The following NR2E1 variants were observed in gnomAD, a reference collection of about 807,000 sequenced individuals.
The protein encoded by NR2E1 is nuclear receptor TLX.
In NR2E1, 5 loss-of-function variants were observed where a neutral mutation model predicts 43.6. The ratio of observed to expected loss-of-function variants is 0.11; its 90% CI spans 0.06 to 0.24. The LOEUF (loss-of-function observed/expected upper bound fraction) is 0.24. Among genes scored for constraint, NR2E1 ranks in the 10% least tolerant of loss-of-function variants. The pLI, the probability that NR2E1 is intolerant of heterozygous loss-of-function variation, is 1.00. For missense variants in NR2E1, 287 were observed against 496.7 expected, an observed-to-expected ratio of 0.58 and a Z score of 4.01; for synonymous variants, 191 against 195.5, an observed-to-expected ratio of 0.98 and a Z score of 0.19.
At chr6:108,178,612 A>G (rs920476246) in intron 5 of NR2E1, among the ~76,000 whole-genome samples, 2 of 152,214 alleles carry the variant, frequency 1.3e-5, no homozygotes, top group Non-Finnish European at 2.9e-5. Flanking sequence ...TGGAACTGAG[A>G]GAAGTAGAAG....
At chr6:108,179,892 C>T (rs1172031479) in intron 5 of NR2E1, among the ~76,000 whole-genome samples, 1 of 152,286 alleles carries the variant, frequency 6.6e-6, no homozygotes, top group East Asian at 1.9e-4. Context: ...GCCCAGCCCC[C>T]TCAACCCTCC....
At chr6:108,175,647 CCCCAGG>C (rs1562403905) in intron 3 of NR2E1, among the ~76,000 whole-genome samples, 1 of 152,196 alleles carries the variant, frequency 6.6e-6, no homozygotes, top group East Asian at 1.9e-4. Flanking sequence ...GTCGAGGGCG[CCCCAGG>C]CCCAGGCAGG....
At chr6:108,168,033 C>T (rs1032667642) in intron 1 of NR2E1, 1 of 1,595,628 alleles carries the variant, frequency 6.3e-7, no homozygotes, top group East Asian at 2.3e-5. Flanking sequence ...AGAAATGTTT[C>T]GAGCTGGGGC....
chr6:108,176,463 C>T (rs1017661494), intron 3 of NR2E1, 40 bp from the exon 4 acceptor site: 3 of 1,597,596 alleles, frequency 1.9e-6, no homozygotes, highest in Non-Finnish European at 1.7e-6. Context: ...GTCTCGACGT[C>T]TCTAATCGCC....
At chr6:108,183,967 C>T (rs954150885) in intron 8 of NR2E1, among the ~76,000 whole-genome samples, 4 of 152,164 alleles carry the variant, frequency 2.6e-5, no homozygotes, top group South Asian at 2.1e-4. Flanking sequence ...TCAAGGAGGG[C>T]GGATTACCTG....
At position 108,180,461 on chromosome 6, in the gene NR2E1, C is replaced by T; in HGVS notation, c.739+42C>T. Reference sequence around the variant, plus strand: ...TTAATGACTTTGTTGTAGAAATTACCATAAAAATACATTACTGAAAAAAGA... The same window carrying T: ...TTAATGACTTTGTTGTAGAAATTACTATAAAAATACATTACTGAAAAAAGA... On this transcript the variant is annotated intron_variant, in intron 6 of 8. Transcript: ENST00000368986. The surrounding 1 kb of genome is among the most constrained non-coding windows in gnomAD (Gnocchi z 5.4). 2 of 1,267,604 alleles carry T rather than the reference C, an allele frequency of 1.6e-6. No homozygotes were observed. Among genetic ancestry groups the T allele is most frequent in the Non-Finnish European group, 2.3e-6 (2 of 863,990 alleles). The allele number at this position is 1,267,604 out of a possible 1,614,324, so 78.5% of individuals were successfully genotyped here.
At chr6:108,170,538 C>G (rs1462741055) in intron 1 of NR2E1, among the ~76,000 whole-genome samples, 1 of 150,318 alleles carries the variant, frequency 6.7e-6, no homozygotes, top group African/African-American at 2.5e-5. Flanking sequence ...AGGGAAAGTT[C>G]TCTTGAGGTG....
intron 8 of NR2E1, among the ~76,000 whole-genome samples, chr6:108,185,879 C>A (rs1774068579): frequency 6.6e-6 from 1 of 152,178 alleles, no homozygotes; most frequent in African/African-American, 2.4e-5. Flanking sequence ...TTCATCCTTT[C>A]TGAAGGTGAT....
rs1773900224 is a variant in NR2E1, at chr6:108,176,526, C to A, written c.283C>A (p.Arg95=). 2 of 1,612,890 alleles carry A rather than the reference C, an allele frequency of 1.2e-6. No individual in the cohort carries two copies. The highest frequency in any genetic ancestry group is 1.7e-6 in the Non-Finnish European group (2 of 1,179,952). Residue 95 remains arginine, a synonymous_variant, in exon 4 of 9, where the codon CGG becomes AGG. Coordinates refer to ENST00000368986, the MANE Select transcript of NR2E1 (RefSeq NM_003269.5). Reference sequence around the variant, plus strand: ...AGCCGTGCAGCACGAGCGGGGGCCTCGGACGTCCACCATCCGCAAGCAAGT... The same window carrying A: ...AGCCGTGCAGCACGAGCGGGGGCCTAGGACGTCCACCATCCGCAAGCAAGT... ...KDAVQHERGP[R]TSTIRKQVAL...
At chr6:108,177,194 C>T (rs1273972458) in intron 4 of NR2E1, among the ~76,000 whole-genome samples, 1 of 152,202 alleles carries the variant, frequency 6.6e-6, no homozygotes, top group Admixed American at 6.5e-5. Context: ...CAAATCTTGG[C>T]ATGTATGATC....
intron 2 of NR2E1, among the ~76,000 whole-genome samples, chr6:108,172,795 A>G (rs1331473561): frequency 6.6e-6 from 1 of 152,210 alleles, no homozygotes; most frequent in Admixed American, 6.5e-5. Context: ...ACAAAAACAG[A>G]AGATATTTGC....
chr6:108,177,687 TACTC>T (rs1773922259), intron 4 of NR2E1, among the ~76,000 whole-genome samples: 4 of 152,268 alleles, frequency 2.6e-5, no homozygotes. Flanking sequence ...TTTCTAAAAA[TACTC>T]ATATGCATAT....
At chr6:108,177,182 TC>T (rs1773913766) in intron 4 of NR2E1, among the ~76,000 whole-genome samples, 1 of 152,282 alleles carries the variant, frequency 6.6e-6, no homozygotes, top group Admixed American at 6.5e-5. Flanking sequence ...GCTCCAGAAT[TC>T]CAAATCTTGG....
Position 108,166,754 on chromosome 6 carries a change from G to A in NR2E1, c.-12G>A, listed in dbSNP as rs1773715040. 2.5e-6 allele frequency: 4 copies of A among 1,570,458 alleles called. No homozygotes were observed. Among genetic ancestry groups the A allele is most frequent in the Non-Finnish European group, 3.4e-6 (4 of 1,162,820 alleles). On this transcript the variant is annotated 5_prime_UTR_variant, in exon 1 of 9. Transcript: ENST00000368986. This position sits in a 1 kb window ranked among gnomAD's most constrained non-coding sequence, Gnocchi z 7.2. ...CAGCGCCCACCAACCGCTCCGCCCCGGGACAGCCAGCATGAGCAAGCCAGC... is the reference window on the plus strand; with the variant it reads ...CAGCGCCCACCAACCGCTCCGCCCCAGGACAGCCAGCATGAGCAAGCCAGC...
At chr6:108,174,691 C>T in intron 2 of NR2E1, 145 bp from the exon 3 acceptor site, 1 of 678,354 alleles carries the variant, frequency 1.5e-6, no homozygotes. Flanking sequence ...CCAAGGCCCT[C>T]GCGTTTTGCA....
chr6:108,181,921 G>A (rs1383994142), intron 8 of NR2E1, among the ~76,000 whole-genome samples: 2 of 152,196 alleles, frequency 1.3e-5, no homozygotes, highest in Non-Finnish European at 2.9e-5. Flanking sequence ...CAACATTTGT[G>A]TGAATGGGTA....
intron 5 of NR2E1, chr6:108,178,754 A>G (rs1773940945): frequency 5.1e-6 from 1 of 195,416 alleles, no homozygotes; most frequent in Admixed American, 5.3e-5. Context: ...CAAAGGGCAC[A>G]GTGCACACCT....
chr6:108,177,697 C>T (rs973833262), intron 4 of NR2E1, among the ~76,000 whole-genome samples: 2 of 152,218 alleles, frequency 1.3e-5, no homozygotes, highest in African/African-American at 2.4e-5. Flanking sequence ...TACTCATATG[C>T]ATATTTGTGT....
At position 108,187,509 on chromosome 6, in the gene NR2E1, C is replaced by T. The variant is rs774734793; in HGVS notation, c.*46C>T. 6.3e-7 allele frequency: 1 copy of T among 1,596,456 alleles called. No homozygotes were observed. Among genetic ancestry groups the T allele is most frequent in the East Asian group, 2.2e-5 (1 of 44,806 alleles). On this transcript the variant is annotated 3_prime_UTR_variant, in exon 9 of 9. Coordinates refer to ENST00000368986, the MANE Select transcript of NR2E1 (RefSeq NM_003269.5). ...TCAGGATGGGACAGTATCAGATGAA[C>T]TTCAACCCATGGAGAACAAGCCTCA...
Sources: gnomAD v4.1 joint callset for allele counts (sites outside exome capture counted in the v4.1 genomes callset) on GRCh38, gnomAD v4.1.1 for gene constraint, Gnocchi (gnomAD v3.1) non-coding constraint, MANE v1.5 for transcripts, NCBI Gene and HGNC (gene_info 2026-07-23, HGNC 2026-07-21) for gene names.